The following KIAA1217 variants were observed in gnomAD, a reference collection of about 807,000 sequenced individuals.
The protein encoded by KIAA1217 is sickle tail protein homolog.
KIAA1217 carries 88 observed loss-of-function variants against 163.9 expected under a neutral mutation model. The observed-to-expected ratio is 0.54, with a 90% confidence interval of 0.45 to 0.64. KIAA1217 has a LOEUF of 0.64. Ranked by LOEUF, KIAA1217 falls within the 30% of genes least tolerant of loss-of-function variation. The pLI is 0.00. For synonymous variants in KIAA1217, 903 were observed against 923.1 expected (o/e 0.98, Z 0.39); for missense variants, 2,372 against 2,475.0 (o/e 0.96, Z 0.88).
Position 24,490,013 on chromosome 10 carries a change from A to T in KIAA1217, c.1680-4487A>T, listed in dbSNP as rs551081375. Among the ~76,000 whole-genome samples, 81 of 152,286 alleles carry T rather than the reference A, an allele frequency of 5.3e-4. 1 individual carries two copies. Among genetic ancestry groups the T allele is most frequent in the Admixed American group, 2.4e-3 (37 of 15,292 alleles). On this transcript the variant is annotated intron_variant, in intron 6 of 20. Coordinates refer to ENST00000376454, the MANE Select transcript of KIAA1217 (RefSeq NM_019590.5). ...AATTTTGCTTCGTCTTCACAGACAG[A>T]CATGGAGCTTGCAGGAAAGTTGTTT...
intron 2 of KIAA1217, among the ~76,000 whole-genome samples, chr10:24,270,620 A>T (rs1426893768): frequency 1.3e-5 from 2 of 152,194 alleles, no homozygotes; most frequent in Non-Finnish European, 2.9e-5. Flanking sequence ...AGCTCACTGC[A>T]ACCTCTGCCT....
intron 1 of KIAA1217, among the ~76,000 whole-genome samples, chr10:23,725,885 T>C (rs900163827): frequency 2.0e-5 from 3 of 152,220 alleles, no homozygotes; most frequent in South Asian, 2.1e-4. Context: ...TAGATATGTA[T>C]ACCAACTTCC....
At chr10:23,863,989 A>G (rs1374798112) in intron 1 of KIAA1217, among the ~76,000 whole-genome samples, 7 of 152,146 alleles carry the variant, frequency 4.6e-5, no homozygotes, top group African/African-American at 7.2e-5. Flanking sequence ...AATAAATGCA[A>G]TGGTTTACCT....
At chr10:24,049,269 T>C (rs1849307009) in intron 2 of KIAA1217, among the ~76,000 whole-genome samples, 1 of 152,074 alleles carries the variant, frequency 6.6e-6, no homozygotes, top group Non-Finnish European at 1.5e-5. Context: ...AACTCAAAAA[T>C]GTGATGAAAA....
chr10:24,340,661 C>T (rs1486761630), intron 2 of KIAA1217, among the ~76,000 whole-genome samples: 1 of 152,168 alleles, frequency 6.6e-6, no homozygotes, highest in Non-Finnish European at 1.5e-5. Context: ...TAAAGCCAGA[C>T]AAGGCTCCGC....
chr10:24,328,955 A>G (rs905378337), intron 2 of KIAA1217, among the ~76,000 whole-genome samples: 3 of 151,642 alleles, frequency 2.0e-5, no homozygotes, highest in South Asian at 2.1e-4. Flanking sequence ...GATTTATACC[A>G]TATCACATTT....
At chr10:24,337,854 A>G (rs2046591787) in intron 2 of KIAA1217, among the ~76,000 whole-genome samples, 1 of 151,862 alleles carries the variant, frequency 6.6e-6, no homozygotes, top group African/African-American at 2.4e-5. Context: ...TATGTTGGCC[A>G]GGCAGGTCTT....
chr10:23,751,793 T>A (rs1380261879), intron 1 of KIAA1217, among the ~76,000 whole-genome samples: 1 of 152,198 alleles, frequency 6.6e-6, no homozygotes, highest in Admixed American at 6.5e-5. Context: ...TGTGAGATTA[T>A]CTGTCTTGAA....
At chr10:23,735,055 TA>T (rs551963447) in intron 1 of KIAA1217, among the ~76,000 whole-genome samples, 27 of 152,064 alleles carry the variant, frequency 1.8e-4, no homozygotes, top group South Asian at 4.2e-4. Context: ...CATTTGAGTT[TA>T]AAAAAAATCG....
chr10:24,178,997 T>C (rs919837151), intron 2 of KIAA1217, among the ~76,000 whole-genome samples: 2 of 152,326 alleles, frequency 1.3e-5, no homozygotes, highest in East Asian at 3.9e-4. Flanking sequence ...AAAAAATAAC[T>C]GTTTCTTTAC....
At chr10:24,380,640 A>C (rs909112583) in intron 2 of KIAA1217, among the ~76,000 whole-genome samples, 1 of 151,874 alleles carries the variant, frequency 6.6e-6, no homozygotes, top group Non-Finnish European at 1.5e-5. Context: ...AAATAAATAA[A>C]TAAATAAATA....
At chr10:23,967,898 A>T (rs1456883753) in intron 1 of KIAA1217, among the ~76,000 whole-genome samples, 2 of 104,556 alleles carry the variant, frequency 1.9e-5, no homozygotes, top group Admixed American at 1.0e-4. Flanking sequence ...TAATATATTA[A>T]ATGTGTGTGT....
intron 2 of KIAA1217, among the ~76,000 whole-genome samples, chr10:24,133,680 A>G (rs2063737830): frequency 1.3e-5 from 2 of 152,190 alleles, no homozygotes; most frequent in South Asian, 4.1e-4. Flanking sequence ...AGGAGAATGG[A>G]CATAGACAGA....
At chr10:23,935,414 A>C (rs1484096968) in intron 1 of KIAA1217, among the ~76,000 whole-genome samples, 2 of 152,362 alleles carry the variant, frequency 1.3e-5, no homozygotes, top group East Asian at 3.9e-4. Flanking sequence ...TTCTTTAAAG[A>C]AATGTATTTT....
intron 2 of KIAA1217, among the ~76,000 whole-genome samples, chr10:24,153,959 T>TA (rs377240411): frequency 0.014 from 1,708 of 122,604 alleles, 39 homozygotes; most frequent in African/African-American, 0.06. Context: ...ACAAAAAATA[T>TA]TTTTTTTTTT....
intron 1 of KIAA1217, among the ~76,000 whole-genome samples, chr10:23,740,172 G>A (rs143564971): frequency 4.2e-4 from 64 of 152,254 alleles, no homozygotes; most frequent in African/African-American, 1.4e-3. Context: ...TGGCTAAATG[G>A]CATTTAAAAT....
intron 1 of KIAA1217, among the ~76,000 whole-genome samples, chr10:23,820,877 GA>G (rs1158736217): frequency 6.6e-6 from 1 of 152,152 alleles, no homozygotes; most frequent in African/African-American, 2.4e-5. Flanking sequence ...TAAAGATGAA[GA>G]GCAGAGAATG....
At chr10:23,966,499 C>T (rs1335800418) in intron 1 of KIAA1217, among the ~76,000 whole-genome samples, 2 of 152,192 alleles carry the variant, frequency 1.3e-5, no homozygotes, top group Non-Finnish European at 2.9e-5. Flanking sequence ...CATCAGACTA[C>T]CTGCTGTCTA....
intron 2 of KIAA1217, among the ~76,000 whole-genome samples, chr10:24,086,635 G>A (rs932129464): frequency 1.3e-5 from 2 of 152,140 alleles, no homozygotes; most frequent in Non-Finnish European, 2.9e-5. Flanking sequence ...TGGAGAGTAT[G>A]TTTTTTTAAA....
Sources: allele counts gnomAD v4.1 joint callset (sites outside exome capture counted in the v4.1 genomes callset), GRCh38; gene constraint gnomAD v4.1.1; transcripts MANE v1.5; gene names NCBI Gene and HGNC (gene_info 2026-07-23, HGNC 2026-07-21).